BFAR: variants seen among roughly 807,000 people sequenced by gnomAD.
BFAR encodes bifunctional apoptosis regulator, also known as RING finger protein 47.
BFAR carries 52 observed loss-of-function variants against 54.4 expected under a neutral mutation model. The ratio of observed to expected loss-of-function variants is 0.96; its 90% CI spans 0.77 to 1.21. BFAR has a LOEUF of 1.21. Ranked by LOEUF, BFAR falls within the 50% of genes most tolerant of loss-of-function variation. BFAR has a pLI of 0.00. For missense variants in BFAR, 571 were observed against 534.0 expected, an observed-to-expected ratio of 1.07 and a Z score of -0.68; for synonymous variants, 215 against 204.3, an observed-to-expected ratio of 1.05 and a Z score of -0.45.
At chr16:14,648,708 T>A in intron 3 of BFAR, 116 bp downstream of exon 3, 1 of 764,826 alleles carries the variant, frequency 1.3e-6, no homozygotes, top group Non-Finnish European at 2.2e-6. Context: ...TGACTCCATG[T>A]AATTTACTAC....
chr16:14,660,918 AAG>A (rs1325497125), intron 5 of BFAR, among the ~76,000 whole-genome samples: 1 of 151,864 alleles, frequency 6.6e-6, no homozygotes, highest in African/African-American at 2.4e-5. Flanking sequence ...TAAAAAAATT[AAG>A]AGACTGGGTC....
Position 14,644,527 on chromosome 16 carries a change from T to C in BFAR, c.181T>C (p.Trp61Arg). 1.2e-6 allele frequency: 2 copies of C among 1,614,108 alleles called. No individual in the cohort carries two copies. The highest frequency in any genetic ancestry group is 1.7e-6 in the Non-Finnish European group (2 of 1,179,990). ...HSFCRHCLAL[W>R]WASSKKTECP... The stretch of plus-strand genomic sequence containing the variant: ...CTTCTGCCGTCACTGCCTTGCTTTA[T>C]GGTGGGCATCTTCAAAGAAAACAGA... The change falls in exon 2 of 8, where the codon TGG becomes CGG. Residue 61 changes from tryptophan (W) to arginine (R), a missense_variant. Transcript: ENST00000261658.
chr16:14,665,218 A>G, intron 7 of BFAR, 147 bp downstream of exon 7: 1 of 755,928 alleles, frequency 1.3e-6, no homozygotes, highest in Non-Finnish European at 2.1e-6. Flanking sequence ...TAGCTTAAGC[A>G]GTGAATAGGA....
intron 5 of BFAR, among the ~76,000 whole-genome samples, chr16:14,656,279 T>C (rs1960127092): frequency 6.6e-6 from 1 of 151,850 alleles, no homozygotes; most frequent in Admixed American, 6.6e-5. Context: ...ATAATGCTAG[T>C]ACTTTGGAAG....
intron 1 of BFAR, among the ~76,000 whole-genome samples, chr16:14,640,381 C>T (rs939114733): frequency 3.9e-5 from 6 of 152,026 alleles, no homozygotes; most frequent in Non-Finnish European, 5.9e-5. Flanking sequence ...GACGCTGGCA[C>T]GGCTGCTGAG....
At chr16:14,641,462 G>A (rs1471190771) in intron 1 of BFAR, among the ~76,000 whole-genome samples, 5 of 151,972 alleles carry the variant, frequency 3.3e-5, no homozygotes, top group African/African-American at 7.3e-5. Flanking sequence ...GCTGGTGCAG[G>A]AGGGTGTGAA....
chr16:14,664,885 C>A lies in BFAR; in HGVS notation c.974C>A (p.Thr325Lys), dbSNP rs1460593675. 9 of 1,613,634 alleles carry A rather than the reference C, an allele frequency of 5.6e-6. No individual in the cohort carries two copies. The highest frequency in any genetic ancestry group is 7.6e-6 in the Non-Finnish European group (9 of 1,179,706). The part of the protein sequence containing the change: ...VTKLLDLKEP[T>K]WKQWREFLVK... The stretch of plus-strand genomic sequence containing the variant: ...TTTTTTAAGGATCTTAAGGAGCCTA[C>A]GTGGAAGCAGTGGAGAGAGTTCCTG... Residue 325 changes from threonine (T) to lysine (K), a missense_variant, in exon 7 of 8, where the codon ACG (threonine) becomes AAG (lysine). Coordinates refer to ENST00000261658, the MANE Select transcript of BFAR (RefSeq NM_016561.3).
intron 1 of BFAR, among the ~76,000 whole-genome samples, chr16:14,635,986 C>A (rs1959423629): frequency 6.6e-6 from 1 of 152,158 alleles, no homozygotes; most frequent in Admixed American, 6.6e-5. Context: ...TTTGCGGTTC[C>A]TGAACCTTGC....
At chr16:14,648,675 A>G (rs1959876993) in intron 3 of BFAR, 83 bp downstream of exon 3, 1 of 970,970 alleles carries the variant, frequency 1.0e-6, no homozygotes, top group African/African-American at 1.7e-5. Flanking sequence ...GTTCTGTTGA[A>G]ATCACTGAAA....
chr16:14,656,668 A>G (rs1960138109), intron 5 of BFAR, among the ~76,000 whole-genome samples: 1 of 152,174 alleles, frequency 6.6e-6, no homozygotes, highest in Non-Finnish European at 1.5e-5. Flanking sequence ...TTGTTAAACA[A>G]GTTATTCACG....
intron 5 of BFAR, among the ~76,000 whole-genome samples, chr16:14,656,956 A>C (rs1328659728): frequency 5.3e-5 from 8 of 151,948 alleles, no homozygotes; most frequent in Admixed American, 4.6e-4. Context: ...CACAAAAATT[A>C]GCCAGGTGTG....
chr16:14,666,663 C>A (rs914219607), intron 7 of BFAR, among the ~76,000 whole-genome samples: 2 of 152,186 alleles, frequency 1.3e-5, no homozygotes, highest in Non-Finnish European at 2.9e-5. Context: ...CCTTGACATT[C>A]TGACTCGCAG....
At chr16:14,646,237 G>A (rs568773242) in intron 2 of BFAR, among the ~76,000 whole-genome samples, 1 of 152,212 alleles carries the variant, frequency 6.6e-6, no homozygotes, top group Non-Finnish European at 1.5e-5. Flanking sequence ...ATTTTTAGTA[G>A]AGACGGGGTT....
intron 5 of BFAR, among the ~76,000 whole-genome samples, chr16:14,657,856 T>C (rs967258778): frequency 6.6e-6 from 1 of 152,182 alleles, no homozygotes. Flanking sequence ...CTGCCATATT[T>C]TTCATAGGTA....
intron 6 of BFAR, 31 bp downstream of exon 6, chr16:14,662,096 A>G: frequency 6.2e-7 from 1 of 1,611,350 alleles, no homozygotes; most frequent in South Asian, 1.1e-5. Context: ...GAATAAAGTT[A>G]TTCCACTGTC....
intron 5 of BFAR, among the ~76,000 whole-genome samples, chr16:14,661,054 A>T (rs1179612944): frequency 6.6e-6 from 1 of 152,150 alleles, no homozygotes; most frequent in Non-Finnish European, 1.5e-5. Context: ...AGTTACTTTT[A>T]TAATAAGGAA....
chr16:14,651,118 C>G (rs745775436), intron 4 of BFAR, among the ~76,000 whole-genome samples: 1 of 152,080 alleles, frequency 6.6e-6, no homozygotes, highest in Non-Finnish European at 1.5e-5. Flanking sequence ...CACTGTCTAC[C>G]CAGAGATAGT....
intron 3 of BFAR, 110 bp from the exon 4 acceptor site, chr16:14,649,694 C>T (rs1959909777): frequency 2.0e-6 from 2 of 988,364 alleles, no homozygotes; most frequent in Non-Finnish European, 3.0e-6. Flanking sequence ...ACGGGCTCCG[C>T]ATCATTCCCT....
At chr16:14,647,050 T>A (rs976393798) in intron 2 of BFAR, among the ~76,000 whole-genome samples, 1 of 152,064 alleles carries the variant, frequency 6.6e-6, no homozygotes, top group Non-Finnish European at 1.5e-5. Flanking sequence ...GTGCTGAGAT[T>A]ACAGGCGTGA....
Sources: gnomAD v4.1 joint callset for allele counts (sites outside exome capture counted in the v4.1 genomes callset) on GRCh38, gnomAD v4.1.1 for gene constraint, MANE v1.5 for transcripts, NCBI Gene and HGNC (gene_info 2026-07-23, HGNC 2026-07-21) for gene names.